Variants in SEMA5A observed in about 807,000 individuals in gnomAD.
SEMA5A encodes the protein semaphorin-5A.
In SEMA5A, 55 loss-of-function variants were observed where a neutral mutation model predicts 135.5. The observed-to-expected ratio is 0.41, with a 90% CI of 0.33 to 0.51. The LOEUF (loss-of-function observed/expected upper bound fraction) is 0.51, where lower values mean the gene tolerates loss of function less well. Ranked by LOEUF, SEMA5A falls within the 20% of genes least tolerant of loss-of-function variation. SEMA5A has a pLI of 0.37. For synonymous variants in SEMA5A, 580 were observed against 546.5 expected, an observed-to-expected ratio of 1.06 and a Z score of -0.85; for missense variants, 1,290 against 1,419.9, an observed-to-expected ratio of 0.91 and a Z score of 1.47.
At chr5:9,193,870 C>T (rs1165544804) in intron 10 of SEMA5A, among the ~76,000 whole-genome samples, 1 of 152,192 alleles carries the variant, frequency 6.6e-6, no homozygotes, top group Non-Finnish European at 1.5e-5. Context: ...GTACACCAGC[C>T]TGGGCAACAG....
chr5:9,379,813 G>T lies in SEMA5A; in HGVS notation c.124+10C>A, dbSNP rs757031676. On this transcript the variant is annotated intron_variant, in intron 3 of 22. Transcript: ENST00000382496. ...GACGGCTTTGCAATCAGTGCGTGCT[G>T]GTTCCTTACCTTTATAGGAGATGAC... is the stretch of plus-strand genomic sequence containing the variant. 4.3e-6 allele frequency: 7 copies of T among 1,613,212 alleles called. No individual in the cohort carries two copies. Among genetic ancestry groups the T allele is most frequent in the African/African-American group, 1.3e-5 (1 of 74,888 alleles).
At chr5:9,127,422 G>A (rs1741175656) in intron 13 of SEMA5A, among the ~76,000 whole-genome samples, 1 of 152,126 alleles carries the variant, frequency 6.6e-6, no homozygotes, top group African/African-American at 2.4e-5. Flanking sequence ...AAATTCCTAG[G>A]CATTCCCTCT....
intron 5 of SEMA5A, among the ~76,000 whole-genome samples, chr5:9,290,526 C>T (rs998009067): frequency 2.0e-5 from 3 of 152,070 alleles, no homozygotes; most frequent in African/African-American, 7.2e-5. Flanking sequence ...AAAGCAATTA[C>T]GGTCTCATTA....
At chr5:9,230,164 T>C (rs1009574884) in intron 6 of SEMA5A, among the ~76,000 whole-genome samples, 14 of 139,866 alleles carry the variant, frequency 1.0e-4, no homozygotes, top group East Asian at 4.0e-4. Context: ...TTTTCTTTTT[T>C]TTTTTTTTTT....
intron 1 of SEMA5A, among the ~76,000 whole-genome samples, chr5:9,464,801 G>A (rs1028520663): frequency 3.9e-5 from 6 of 152,304 alleles, no homozygotes; most frequent in South Asian, 2.1e-4. Context: ...TGTGGTCATC[G>A]TTCTCTGGAA....
chr5:9,251,241 G>C (rs1258843750), intron 5 of SEMA5A, among the ~76,000 whole-genome samples: 1 of 152,110 alleles, frequency 6.6e-6, no homozygotes, highest in African/African-American at 2.4e-5. Flanking sequence ...AGAACCATGA[G>C]TCAAATAACC....
At chr5:9,151,126 A>G (rs1742613238) in intron 12 of SEMA5A, among the ~76,000 whole-genome samples, 1 of 152,234 alleles carries the variant, frequency 6.6e-6, no homozygotes, top group African/African-American at 2.4e-5. Context: ...CAGGATTGAC[A>G]TAATAATCCC....
intron 11 of SEMA5A, among the ~76,000 whole-genome samples, chr5:9,163,549 A>ATCTT (rs1166209776): frequency 1.3e-5 from 2 of 152,180 alleles, no homozygotes; most frequent in East Asian, 3.9e-4. Context: ...AAATGTAACA[A>ATCTT]TATCTCATTT....
chr5:9,133,494 G>C (rs187263992), intron 13 of SEMA5A, among the ~76,000 whole-genome samples: 9 of 152,302 alleles, frequency 5.9e-5, no homozygotes, highest in African/African-American at 2.2e-4. Flanking sequence ...GACAGACATA[G>C]TTTTGTGTAA....
At chr5:9,309,551 T>G (rs1241972140) in intron 5 of SEMA5A, among the ~76,000 whole-genome samples, 1 of 152,150 alleles carries the variant, frequency 6.6e-6, no homozygotes, top group Non-Finnish European at 1.5e-5. Flanking sequence ...CTTTCTTCCC[T>G]ACTGCCTCTG....
chr5:9,056,293 C>G (rs1216643350), intron 18 of SEMA5A, among the ~76,000 whole-genome samples: 21 of 152,162 alleles, frequency 1.4e-4, no homozygotes, highest in Admixed American at 1.4e-3. Context: ...TCACACCTGC[C>G]AAAATGGCTA....
In SEMA5A at chr5:9,459,336, C is replaced by T. The variant is rs565426502; in HGVS notation, c.-174-21484G>A. 1.7e-4 allele frequency among the ~76,000 whole-genome samples: 26 copies of T among 152,226 alleles called. No individual in the cohort carries two copies. In the East Asian group the frequency reaches 4.1e-3, roughly 24 times the overall value. ...AGATAATATATATGCATGATTAGGT[C>T]GTTATATTATATAAAATTGCAGCAC... On this transcript the variant is annotated intron_variant, in intron 1 of 22. Coordinates refer to ENST00000382496, the MANE Select transcript of SEMA5A (RefSeq NM_003966.3).
rs867822328 is a variant in SEMA5A, at chr5:9,357,763, C to T, written c.125-19951G>A. On this transcript the variant is annotated intron_variant, in intron 3 of 22. Coordinates refer to ENST00000382496, the MANE Select transcript of SEMA5A (RefSeq NM_003966.3). ...TCTCCTGGACAGAGAGGAGTGAGCA[C>T]TCCAAAGCCCCATGTGAAGATGAGG... Among the ~76,000 whole-genome samples, 19 of 152,308 alleles carry T rather than the reference C, an allele frequency of 1.2e-4. No individual in the cohort carries two copies. The South Asian group carries it at 3.7e-3, about 30-fold the overall frequency.
At chr5:9,079,930 T>G (rs1272623834) in intron 16 of SEMA5A, among the ~76,000 whole-genome samples, 1 of 152,128 alleles carries the variant, frequency 6.6e-6, no homozygotes, top group Non-Finnish European at 1.5e-5. Flanking sequence ...GAAATGGGAA[T>G]GATTTTACAC....
At chr5:9,526,561 T>G (rs1269840188) in intron 1 of SEMA5A, among the ~76,000 whole-genome samples, 1 of 152,180 alleles carries the variant, frequency 6.6e-6, no homozygotes, top group Non-Finnish European at 1.5e-5. Flanking sequence ...CCCAATTTTT[T>G]AAAGGAAATG....
chr5:9,308,862 T>C (rs1399106390), intron 5 of SEMA5A, among the ~76,000 whole-genome samples: 2 of 152,148 alleles, frequency 1.3e-5, no homozygotes, highest in Admixed American at 6.6e-5. Context: ...CTCGATGAGA[T>C]GATGCTTGCA....
chr5:9,209,834 T>A (rs1805963), intron 8 of SEMA5A, among the ~76,000 whole-genome samples: 24,521 of 152,128 alleles, frequency 0.16, 2,262 homozygotes, highest in African/African-American at 0.24. Flanking sequence ...AACACATAAA[T>A]CTGGGCATTT....
intron 2 of SEMA5A, among the ~76,000 whole-genome samples, chr5:9,418,939 T>C (rs1323757188): frequency 1.3e-5 from 2 of 152,220 alleles, no homozygotes; most frequent in East Asian, 3.8e-4. Context: ...TTCCTTTAGG[T>C]ACAAAGTTAG....
In SEMA5A at chr5:9,341,272, G is replaced by A. The variant is rs181081687; in HGVS notation, c.125-3460C>T. ...ATAGGGCTTAGCCCAGAAACGCAAG[G>A]ATGGCTCAGCAAGCTTAGTAACAGA... On this transcript the variant is annotated intron_variant, in intron 3 of 22. Coordinates refer to ENST00000382496, the MANE Select transcript of SEMA5A (RefSeq NM_003966.3). Among the ~76,000 whole-genome samples the A allele has an allele frequency of 1.3e-3, 191 of 151,740 alleles. 1 individual carries two copies. The highest frequency in any genetic ancestry group is 4.4e-3 in the African/African-American group (184 of 41,380).
Sources: allele counts gnomAD v4.1 joint callset (sites outside exome capture counted in the v4.1 genomes callset), GRCh38; gene constraint gnomAD v4.1.1; transcripts MANE v1.5; gene names NCBI Gene and HGNC (gene_info 2026-07-23, HGNC 2026-07-21).